The following SLC15A2 variants were observed in gnomAD, a reference collection of about 807,000 sequenced individuals.
SLC15A2 encodes the protein solute carrier family 15 member 2, also known as kidney H(+)/peptide cotransporter.
Under a neutral mutation model 95.5 loss-of-function variants are expected in SLC15A2, and 77 were observed. That is an observed-to-expected ratio of 0.81 (90% CI 0.67 to 0.97). SLC15A2 has a LOEUF of 0.97. Among genes scored for constraint, SLC15A2 ranks in the 50% least tolerant of loss-of-function variants. The pLI is 0.00. For synonymous variants in SLC15A2, 306 were observed against 306.9 expected, an observed-to-expected ratio of 1.00 and a Z score of 0.03; for missense variants, 893 against 874.4, an observed-to-expected ratio of 1.02 and a Z score of -0.27.
Position 121,923,228 on chromosome 3 carries a change from C to G in SLC15A2, c.964C>G (p.Arg322Gly). The change falls in exon 11 of 22, where the codon CGA (arginine) becomes GGA (glycine). Residue 322 changes from arginine to glycine, a missense_variant. By Grantham distance (125) the Arg-to-Gly change is moderately radical. Coordinates refer to ENST00000489711, the MANE Select transcript of SLC15A2 (RefSeq NM_021082.4). ...FWALLDQQGS[R>G]WTLQAIRMNR... The stretch of plus-strand genomic sequence containing the variant: ...CAGGATCTGTTTGCCCTAGGGTTCA[C>G]GATGGACTTTGCAAGCCATCAGGAT... The G allele has an allele frequency of 6.2e-7, 1 of 1,613,904 alleles. No individual in the cohort carries two copies. The highest frequency in any genetic ancestry group is 8.5e-7 in the Non-Finnish European group (1 of 1,179,864).
rs1228360649 is a variant in SLC15A2 at position 121,943,923 on chromosome 3, T to A, written c.*2916T>A. ...TAAACATATCTAAACATAGAAACGGTACAAAAAACTTTACACATTATATAG... is the reference window on the plus strand; with the variant it reads ...TAAACATATCTAAACATAGAAACGGAACAAAAAACTTTACACATTATATAG... On this transcript the variant is annotated 3_prime_UTR_variant, in exon 22 of 22. Transcript: ENST00000489711. 6.6e-6 allele frequency: 1 copy of A among 152,216 alleles called. No homozygotes were observed. The highest frequency in any genetic ancestry group is 1.5e-5 in the Non-Finnish European group (1 of 68,030). The allele number at this position is 152,216 out of a possible 1,614,324, so 9.4% of individuals were successfully genotyped here.
chr3:121,928,991 C>T lies in SLC15A2; in HGVS notation c.1351C>T (p.His451Tyr), dbSNP rs1032343906. The T allele has an allele frequency of 1.9e-5, 31 of 1,613,754 alleles. No individual in the cohort carries two copies. Among genetic ancestry groups the T allele is most frequent in the Non-Finnish European group, 2.5e-5 (30 of 1,179,904 alleles). ...ESIKSFQKTP[H>Y]YSKLHLKTKS... is the part of the protein sequence containing the mutation. ...ATTCTTCATTTTACAGAAAACACCACACTATTCCAAACTGCACCTGAAAAC... is the reference window on the plus strand; with the variant it reads ...ATTCTTCATTTTACAGAAAACACCATACTATTCCAAACTGCACCTGAAAAC... Residue 451 changes from histidine to tyrosine, a missense_variant, in exon 16 of 22, where the codon CAC (histidine) becomes TAC (tyrosine). His to Tyr is a moderately conservative substitution (Grantham distance 83). Coordinates refer to ENST00000489711, the MANE Select transcript of SLC15A2 (RefSeq NM_021082.4).
chr3:121,904,554 G>C (rs192005267), intron 3 of SLC15A2, among the ~76,000 whole-genome samples: 148 of 152,248 alleles, frequency 9.7e-4, no homozygotes, highest in African/African-American at 3.3e-3. Context: ...AGAGTTTTTA[G>C]CATGAAGGGC....
At chr3:121,896,707 C>T (rs1709419754) in intron 2 of SLC15A2, among the ~76,000 whole-genome samples, 1 of 151,802 alleles carries the variant, frequency 6.6e-6, no homozygotes, top group African/African-American at 2.4e-5. Context: ...TGAGACAAAC[C>T]AGAACATAGA....
At chr3:121,935,760 T>C (rs1446874493) in intron 19 of SLC15A2, among the ~76,000 whole-genome samples, 2 of 152,116 alleles carry the variant, frequency 1.3e-5, no homozygotes, top group Non-Finnish European at 2.9e-5. Context: ...GTGTCTCTAT[T>C]TCCTTTAGTT....
intron 3 of SLC15A2, among the ~76,000 whole-genome samples, chr3:121,898,087 G>T (rs1002977288): frequency 1.3e-5 from 2 of 151,934 alleles, no homozygotes; most frequent in Non-Finnish European, 2.9e-5. Flanking sequence ...GCTTGAATAT[G>T]GGAGGCAGAG....
intron 11 of SLC15A2, 75 bp from the exon 12 acceptor site, chr3:121,924,276 A>T: frequency 7.6e-7 from 1 of 1,319,646 alleles, no homozygotes; most frequent in Non-Finnish European, 1.1e-6. Flanking sequence ...TAACTAGCAA[A>T]ATTATTGATC....
chr3:121,913,118 C>T lies in SLC15A2; in HGVS notation c.526C>T (p.His176Tyr). 2 of 1,609,754 alleles carry T rather than the reference C, an allele frequency of 1.2e-6. No individual in the cohort carries two copies. Among genetic ancestry groups the T allele is most frequent in the South Asian group, 1.1e-5 (1 of 90,936 alleles). The change falls in exon 5 of 22, where the codon CAT becomes TAT. Residue 176 changes from histidine (H) to tyrosine (Y), a missense_variant and splice_region_variant. By Grantham distance (83) the His-to-Tyr change is moderately conservative. Coordinates refer to ENST00000489711, the MANE Select transcript of SLC15A2 (RefSeq NM_021082.4). ...TGGTGGAGACCAGTTTGAAGAAAAA[C>T]ATGTAAGAATCCTGTTATTTTGTAT... Reference protein sequence around the residue: ...AFGGDQFEEKHAEERTRYFSV... With the variant: ...AFGGDQFEEKYAEERTRYFSV...
At chr3:121,920,209 C>T (rs1425211359) in intron 7 of SLC15A2, among the ~76,000 whole-genome samples, 1 of 152,200 alleles carries the variant, frequency 6.6e-6, no homozygotes. Context: ...TGGTGTCCAG[C>T]CTCTTTCTAG....
rs1191884778 is a variant in SLC15A2 at position 121,931,718 on chromosome 3, C to T, written c.1744C>T (p.Leu582=). 9 of 1,609,768 alleles carry T rather than the reference C, an allele frequency of 5.6e-6. No individual in the cohort carries two copies. Among genetic ancestry groups the T allele is most frequent in the Non-Finnish European group, 7.7e-6 (9 of 1,176,236 alleles). The change falls in exon 19 of 22, where the codon CTG becomes TTG. Residue 582 remains leucine, a synonymous_variant. Transcript: ENST00000489711. ...TCTTCTAGACTTTGGTGCAGCATATCTGTTTGTTATTACTAATGTAAGTAG... is the reference window on the plus strand; with the variant it reads ...TCTTCTAGACTTTGGTGCAGCATATTTGTTTGTTATTACTAATGTAAGTAG... ...LGLLDFGAAY[L]FVITNNTNQG...
intron 3 of SLC15A2, among the ~76,000 whole-genome samples, chr3:121,905,238 C>A (rs1709610951): frequency 6.6e-6 from 1 of 152,112 alleles, no homozygotes; most frequent in Non-Finnish European, 1.5e-5. Flanking sequence ...ATTCTTCTCT[C>A]TTTTCTTCTT....
At chr3:121,940,331 G>C in intron 20 of SLC15A2, 53 bp from the exon 21 acceptor site, 1 of 1,350,430 alleles carries the variant, frequency 7.4e-7, no homozygotes, top group South Asian at 1.2e-5. Context: ...GATGCATGGG[G>C]CATGAGGGCA....
chr3:121,940,619 A>T, intron 21 of SLC15A2, 131 bp downstream of exon 21: 2 of 865,012 alleles, frequency 2.3e-6, no homozygotes, highest in Non-Finnish European at 3.7e-6. Flanking sequence ...GGTTAGATAT[A>T]CAGACTTTAC....
chr3:121,937,683 T>A (rs1355067082), intron 19 of SLC15A2, among the ~76,000 whole-genome samples: 1 of 152,158 alleles, frequency 6.6e-6, no homozygotes, highest in Non-Finnish European at 1.5e-5. Flanking sequence ...TTTTTCAAAG[T>A]TTTCAATTTC....
Position 121,942,859 on chromosome 3 carries a change from CT to C in SLC15A2, c.*1853del, listed in dbSNP as rs1487789646. The stretch of plus-strand genomic sequence containing the variant: ...TACCTTGTTTAAATTAACATGTACG[CT>C]GCAGAACATTGGTTTGGAAAAAACT... On this transcript the variant is annotated 3_prime_UTR_variant, in exon 22 of 22. Transcript: ENST00000489711. 1 of 152,230 alleles carries C rather than the reference CT, an allele frequency of 6.6e-6. No homozygotes were observed. The highest frequency in any genetic ancestry group is 1.5e-5 in the Non-Finnish European group (1 of 68,034). The allele number at this position is 152,230 out of a possible 1,614,324, so 9.4% of individuals were successfully genotyped here.
At chr3:121,923,317 T>C (rs1395260304) in intron 11 of SLC15A2, 51 bp downstream of exon 11, 1 of 1,549,288 alleles carries the variant, frequency 6.5e-7, no homozygotes, top group Non-Finnish European at 8.8e-7. Flanking sequence ...TCATCATCCA[T>C]ATTGGGGAAA....
intron 13 of SLC15A2, 81 bp downstream of exon 13, chr3:121,925,114 T>A (rs1284230344): frequency 1.0e-6 from 1 of 970,974 alleles, no homozygotes; most frequent in African/African-American, 1.6e-5. Flanking sequence ...AATGTCAGTA[T>A]TTTTCTTAGT....
At chr3:121,933,793 T>C (rs1710281856) in intron 19 of SLC15A2, among the ~76,000 whole-genome samples, 1 of 149,442 alleles carries the variant, frequency 6.7e-6, no homozygotes, top group Non-Finnish European at 1.5e-5. Context: ...AATTTTGGCT[T>C]TTGTTGCCAT....
chr3:121,915,835 C>A, intron 7 of SLC15A2, 142 bp downstream of exon 7: 1 of 562,434 alleles, frequency 1.8e-6, no homozygotes, highest in South Asian at 3.0e-5. Context: ...GGTTTCCCCT[C>A]AATTTTGGAG....
Sources: allele counts gnomAD v4.1 joint callset (sites outside exome capture counted in the v4.1 genomes callset), GRCh38; gene constraint gnomAD v4.1.1; transcripts MANE v1.5; gene names NCBI Gene and HGNC (gene_info 2026-07-23, HGNC 2026-07-21).